The following PDLIM5 variants were observed in gnomAD, a reference collection of about 807,000 sequenced individuals.
The protein encoded by PDLIM5 is PDZ and LIM domain protein 5.
A neutral mutation model predicts 64.2 loss-of-function variants in PDLIM5; 34 were observed. The observed-to-expected ratio is 0.53, with a 90% confidence interval of 0.40 to 0.71. The LOEUF is 0.71. Among genes scored for constraint, PDLIM5 ranks in the 30% least tolerant of loss-of-function variants. PDLIM5 has a pLI of 0.00. For missense variants in PDLIM5, 683 were observed against 733.6 expected, an observed-to-expected ratio of 0.93 and a Z score of 0.80; for synonymous variants, 253 against 269.1, an observed-to-expected ratio of 0.94 and a Z score of 0.59.
intron 3 of PDLIM5, among the ~76,000 whole-genome samples, chr4:94,528,755 T>C (rs1730597683): frequency 1.3e-5 from 2 of 152,204 alleles, no homozygotes; most frequent in Non-Finnish European, 2.9e-5. Context: ...AAGCAGAATA[T>C]GTAATATATC....
At chr4:94,548,347 C>T (rs1299038238) in intron 3 of PDLIM5, among the ~76,000 whole-genome samples, 1 of 152,114 alleles carries the variant, frequency 6.6e-6, no homozygotes. Context: ...TTTGTCCTGA[C>T]ATTTTTATAA....
At chr4:94,621,585 C>T (rs1739246063) in intron 8 of PDLIM5, among the ~76,000 whole-genome samples, 1 of 152,122 alleles carries the variant, frequency 6.6e-6, no homozygotes. Flanking sequence ...TATATACGGC[C>T]TTTGGAAGTT....
At chr4:94,517,651 C>G (rs1336781792) in intron 2 of PDLIM5, among the ~76,000 whole-genome samples, 1 of 152,060 alleles carries the variant, frequency 6.6e-6, no homozygotes, top group African/African-American at 2.4e-5. Flanking sequence ...TTTCTGTAGC[C>G]CTCATGTTTA....
At chr4:94,658,652 A>G (rs890332800) in intron 11 of PDLIM5, among the ~76,000 whole-genome samples, 2 of 152,164 alleles carry the variant, frequency 1.3e-5, no homozygotes, top group Admixed American at 1.3e-4. Context: ...AAGCTGTGTC[A>G]TCATCATTCA....
At chr4:94,648,651 C>T (rs1741606240) in intron 9 of PDLIM5, among the ~76,000 whole-genome samples, 1 of 152,208 alleles carries the variant, frequency 6.6e-6, no homozygotes, top group African/African-American at 2.4e-5. Flanking sequence ...GAGTACCCTG[C>T]TCAGAATCGC....
chr4:94,490,754 T>G (rs1402750207), intron 2 of PDLIM5, among the ~76,000 whole-genome samples: 1 of 152,178 alleles, frequency 6.6e-6, no homozygotes, highest in Non-Finnish European at 1.5e-5. Flanking sequence ...GAGAGATTAT[T>G]CAAGAAGTGA....
chr4:94,625,089 C>T (rs1333791762), intron 8 of PDLIM5, among the ~76,000 whole-genome samples: 1 of 152,172 alleles, frequency 6.6e-6, no homozygotes, highest in Non-Finnish European at 1.5e-5. Context: ...GGCAGGGTGA[C>T]TGCAGGGTAT....
intron 2 of PDLIM5, among the ~76,000 whole-genome samples, chr4:94,466,149 G>A (rs942172205): frequency 6.6e-6 from 1 of 151,928 alleles, no homozygotes; most frequent in Admixed American, 6.6e-5. Flanking sequence ...TTAATTTTCT[G>A]TAGAAACAGG....
chr4:94,572,691 TG>T (rs754671729), intron 3 of PDLIM5, among the ~76,000 whole-genome samples: 10 of 152,230 alleles, frequency 6.6e-5, no homozygotes, highest in Non-Finnish European at 1.3e-4. Context: ...ACTGATGACC[TG>T]TTACATTCCA....
intron 9 of PDLIM5, among the ~76,000 whole-genome samples, chr4:94,642,436 C>G (rs946789925): frequency 6.6e-6 from 1 of 152,116 alleles, no homozygotes; most frequent in African/African-American, 2.4e-5. Context: ...AATTTAATGC[C>G]AGGCCAGTAT....
intron 3 of PDLIM5, among the ~76,000 whole-genome samples, chr4:94,557,966 G>A (rs1046862703): frequency 2.7e-4 from 41 of 152,252 alleles, no homozygotes; most frequent in Admixed American, 7.2e-4. Flanking sequence ...GGTGAAAGGG[G>A]GCATCCCTGT....
At position 94,664,135 on chromosome 4, in the gene PDLIM5, T is replaced by G. The variant is rs566559566; in HGVS notation, c.*68T>G. 1.5e-6 allele frequency: 2 copies of G among 1,373,818 alleles called. No homozygotes were observed. Among genetic ancestry groups the G allele is most frequent in the African/African-American group, 3.0e-5 (2 of 67,338 alleles). The allele number at this position is 1,373,818 out of a possible 1,614,324, so 85.1% of individuals were successfully genotyped here. A position where few individuals can be genotyped will look rare whatever the true frequency, so the allele number is the denominator to read the frequency against. On this transcript the variant is annotated 3_prime_UTR_variant, in exon 13 of 13. Transcript: ENST00000317968. ...AGGAAAATTAAAATTACTAATTAAT[T>G]TTTAGATTCAATATTTATATGGAGT... is the stretch of plus-strand genomic sequence containing the variant.
At chr4:94,513,965 A>G (rs954857706) in intron 2 of PDLIM5, among the ~76,000 whole-genome samples, 1 of 152,112 alleles carries the variant, frequency 6.6e-6, no homozygotes, top group Admixed American at 6.5e-5. Flanking sequence ...CTTTTTCAGC[A>G]TCAATTGAAA....
At chr4:94,570,970 T>A (rs1325085383) in intron 3 of PDLIM5, among the ~76,000 whole-genome samples, 1 of 152,324 alleles carries the variant, frequency 6.6e-6, no homozygotes. Flanking sequence ...GTCTAGTTCC[T>A]CATTCTTAAA....
At chr4:94,577,581 C>CTTT (rs11349007) in intron 5 of PDLIM5, among the ~76,000 whole-genome samples, 14 of 106,798 alleles carry the variant, frequency 1.3e-4, no homozygotes, top group Admixed American at 4.0e-4. Context: ...TGGTCGTAAT[C>CTTT]TTTTTTTTTT....
chr4:94,458,243 T>C lies in PDLIM5; in HGVS notation c.96+2859T>C, dbSNP rs193013950. ...TTATGTAAAATTACTGGGATATTAC[T>C]GGTCATCAGGTTCTTTAATTAATAG... On this transcript the variant is annotated intron_variant, in intron 2 of 12. Transcript: ENST00000317968. Among the ~76,000 whole-genome samples, 134 of 152,310 alleles carry C rather than the reference T, an allele frequency of 8.8e-4. 1 individual carries two copies. Among genetic ancestry groups the C allele is most frequent in the Admixed American group, 8.5e-4 (13 of 15,296 alleles).
At chr4:94,658,302 A>G (rs973456058) in intron 11 of PDLIM5, among the ~76,000 whole-genome samples, 20 of 152,206 alleles carry the variant, frequency 1.3e-4, no homozygotes, top group African/African-American at 4.6e-4. Context: ...CCTGACTTGG[A>G]TTGTTCCCTT....
intron 7 of PDLIM5, chr4:94,588,006 AAAT>A (rs1398369484): frequency 7.2e-6 from 7 of 967,896 alleles, no homozygotes; most frequent in Non-Finnish European, 8.6e-6. Context: ...CATGGAAGCT[AAAT>A]ATATGACCAG....
intron 3 of PDLIM5, among the ~76,000 whole-genome samples, chr4:94,540,167 G>A (rs1229973865): frequency 1.4e-5 from 2 of 143,472 alleles, no homozygotes; most frequent in East Asian, 2.0e-4. Flanking sequence ...GTCTCGCTCT[G>A]TCGCCCAGGC....
Sources: gnomAD v4.1 joint callset for allele counts (sites outside exome capture counted in the v4.1 genomes callset) on GRCh38, gnomAD v4.1.1 for gene constraint, MANE v1.5 for transcripts, NCBI Gene and HGNC (gene_info 2026-07-23, HGNC 2026-07-21) for gene names.